The following GRIP1 variants were observed in gnomAD, a reference collection of about 807,000 sequenced individuals.
GRIP1 encodes glutamate receptor-interacting protein 1.
A neutral mutation model predicts 129.9 loss-of-function variants in GRIP1; 45 were observed. The ratio of observed to expected loss-of-function variants is 0.35; its 90% CI spans 0.27 to 0.44. GRIP1 has a LOEUF of 0.44. Among genes scored for constraint, GRIP1 ranks in the 20% least tolerant of loss-of-function variants. The pLI, the probability that GRIP1 is intolerant of heterozygous loss-of-function variation, is 1.00. For synonymous variants in GRIP1, 530 were observed against 520.8 expected (o/e 1.02, Z -0.24); for missense variants, 1,196 against 1,396.8 (o/e 0.86, Z 2.29).
chr12:66,717,776 C>T (rs893733676), intron 1 of GRIP1, among the ~76,000 whole-genome samples: 1 of 151,988 alleles, frequency 6.6e-6, no homozygotes, highest in African/African-American at 2.4e-5. Context: ...AATTGATAAA[C>T]AAAATTAAAT....
At chr12:66,781,212 C>T (rs2038148643) in intron 1 of GRIP1, among the ~76,000 whole-genome samples, 1 of 152,088 alleles carries the variant, frequency 6.6e-6, no homozygotes, top group Non-Finnish European at 1.5e-5. Context: ...GAAGGGTTCC[C>T]CTTTCAAAAG....
chr12:66,537,081 GA>G (rs565279808), intron 4 of GRIP1, among the ~76,000 whole-genome samples: 13 of 150,236 alleles, frequency 8.7e-5, no homozygotes, highest in East Asian at 2.0e-4. Flanking sequence ...TGTAAAATGA[GA>G]AAAAAAAATG....
intron 2 of GRIP1, among the ~76,000 whole-genome samples, chr12:66,550,152 G>T (rs192480216): frequency 1.3e-5 from 2 of 152,226 alleles, no homozygotes; most frequent in East Asian, 3.9e-4. Context: ...GTCAAAATTT[G>T]CTATTAAGCT....
intron 1 of GRIP1, among the ~76,000 whole-genome samples, chr12:67,020,767 A>G (rs2042854509): frequency 6.6e-6 from 1 of 152,170 alleles, no homozygotes; most frequent in Admixed American, 6.6e-5. Context: ...TCAACTATAT[A>G]AAGTATTGTT....
At chr12:66,680,900 AT>A (rs150619450), upstream of GRIP1, among the ~76,000 whole-genome samples, 199 of 152,220 alleles carry the variant, frequency 1.3e-3, 1 homozygote, top group African/African-American at 4.7e-3. Flanking sequence ...GCAGACTCAA[AT>A]CCAATTTGCT....
chr12:66,879,795 A>G (rs2040443477), intron 1 of GRIP1, among the ~76,000 whole-genome samples: 1 of 152,108 alleles, frequency 6.6e-6, no homozygotes, highest in African/African-American at 2.4e-5. Flanking sequence ...CTGTAGGTAC[A>G]ACAGTATAAG....
chr12:66,426,999 G>T (rs1418823041), intron 14 of GRIP1, among the ~76,000 whole-genome samples: 7 of 152,172 alleles, frequency 4.6e-5, no homozygotes, highest in Non-Finnish European at 7.3e-5. Flanking sequence ...CAGGGTAGGG[G>T]AAGGGTACTT....
At chr12:66,399,197 T>C (rs1490162504) in intron 16 of GRIP1, among the ~76,000 whole-genome samples, 1 of 151,898 alleles carries the variant, frequency 6.6e-6, no homozygotes, top group Non-Finnish European at 1.5e-5. Flanking sequence ...AACCTAGAAC[T>C]TCCTCCCTCC....
At chr12:66,813,892 T>A (rs2039153980) in intron 1 of GRIP1, among the ~76,000 whole-genome samples, 1 of 152,166 alleles carries the variant, frequency 6.6e-6, no homozygotes, top group Non-Finnish European at 1.5e-5. Context: ...ACATTTAAGA[T>A]GAATATTCTG....
chr12:67,025,209 C>A (rs1039700141), intron 1 of GRIP1, among the ~76,000 whole-genome samples: 1 of 152,114 alleles, frequency 6.6e-6, no homozygotes, highest in African/African-American at 2.4e-5. Flanking sequence ...GCTGTGGTGG[C>A]AGGTGCCTGT....
At chr12:66,616,101 T>C in intron 1 of GRIP1, among the ~76,000 whole-genome samples, 1 of 152,152 alleles carries the variant, frequency 6.6e-6, no homozygotes, top group East Asian at 1.9e-4. Context: ...AAATATCACT[T>C]CCAGAGAATC....
intron 24 of GRIP1, among the ~76,000 whole-genome samples, chr12:66,352,997 A>T (rs78280591): frequency 6.6e-6 from 1 of 152,170 alleles, no homozygotes; most frequent in African/African-American, 2.4e-5. Context: ...GCAAGACAAG[A>T]TGCTGGCAAG....
intron 1 of GRIP1, among the ~76,000 whole-genome samples, chr12:66,992,213 A>C (rs2042404083): frequency 1.3e-5 from 2 of 152,180 alleles, no homozygotes; most frequent in Admixed American, 1.3e-4. Context: ...AAAACTGTGA[A>C]TTTATCCTCC....
intron 23 of GRIP1, among the ~76,000 whole-genome samples, chr12:66,359,733 T>A (rs190468228): frequency 1.3e-5 from 2 of 152,202 alleles, no homozygotes; most frequent in Admixed American, 6.5e-5. Flanking sequence ...AGCCTAGTAA[T>A]GGCAAATTAA....
At chr12:66,750,547 G>A (rs1261458011) in intron 1 of GRIP1, among the ~76,000 whole-genome samples, 1 of 152,150 alleles carries the variant, frequency 6.6e-6, no homozygotes, top group Admixed American at 6.6e-5. Flanking sequence ...AGGAAACTGG[G>A]CATAGGTATA....
chr12:66,854,522 A>T (rs1304006538), intron 1 of GRIP1, among the ~76,000 whole-genome samples: 1 of 152,036 alleles, frequency 6.6e-6, no homozygotes, highest in Non-Finnish European at 1.5e-5. Context: ...ATAAGCAGCT[A>T]TTATATGCCA....
chr12:67,045,929 G>T (rs531680170), intron 1 of GRIP1, among the ~76,000 whole-genome samples: 3 of 152,112 alleles, frequency 2.0e-5, no homozygotes, highest in Admixed American at 6.6e-5. Context: ...CTGAGAAGGC[G>T]GATTCCTTAG....
intron 1 of GRIP1, among the ~76,000 whole-genome samples, chr12:66,795,368 C>T (rs182928183): frequency 6.6e-6 from 1 of 152,156 alleles, no homozygotes; most frequent in African/African-American, 2.4e-5. Flanking sequence ...GAACCACATA[C>T]TACTGCCAGC....
chr12:66,767,879 T>A (rs2037695447), intron 1 of GRIP1, among the ~76,000 whole-genome samples: 1 of 152,204 alleles, frequency 6.6e-6, no homozygotes, highest in Non-Finnish European at 1.5e-5. Context: ...TTGAACAACG[T>A]GAAGGTACAA....
Sources: gnomAD v4.1 joint callset for allele counts (sites outside exome capture counted in the v4.1 genomes callset) on GRCh38, gnomAD v4.1.1 for gene constraint, MANE v1.5 for transcripts, NCBI Gene and HGNC (gene_info 2026-07-23, HGNC 2026-07-21) for gene names.